GABPB1: variants seen among roughly 807,000 people sequenced by gnomAD.
GABPB1 encodes the protein GA binding protein transcription factor subunit beta 1.
In GABPB1, 15 loss-of-function variants were observed where a neutral mutation model predicts 45.9. The observed-to-expected ratio is 0.33, with a 90% CI of 0.22 to 0.50. The LOEUF is 0.50. Ranked by LOEUF, GABPB1 falls within the 20% of genes least tolerant of loss-of-function variation. GABPB1 has a pLI of 0.98. For missense variants in GABPB1, 252 were observed against 457.5 expected (o/e 0.55, Z 4.10); for synonymous variants, 143 against 154.4 (o/e 0.93, Z 0.55).
chr15:50,340,616 A>T (rs914082923), intron 1 of GABPB1, among the ~76,000 whole-genome samples: 18 of 151,196 alleles, frequency 1.2e-4, no homozygotes, highest in Admixed American at 6.6e-5. Context: ...CTTGCTTAAC[A>T]CATGAGATCT....
rs374196509 is a variant in GABPB1 at position 50,289,672 on chromosome 15, GAA to G, written c.698-6_698-5del. On this transcript the variant is annotated splice_polypyrimidine_tract_variant and splice_region_variant and intron_variant, in intron 6 of 8. Coordinates refer to ENST00000380877, the MANE Select transcript of GABPB1 (RefSeq NM_016654.5). ...ACTACTTCTTCTGTGGCCACTACTG[GAA>G]AAAAAAAAAAGAAAACTCAGCAAAC... 1.1e-3 allele frequency: 1,313 copies of G among 1,225,184 alleles called. No individual in the cohort carries two copies. The highest frequency in any genetic ancestry group is 2.8e-3 in the Admixed American group (117 of 41,860). The allele number at this position is 1,225,184 out of a possible 1,614,324, so 75.9% of individuals were successfully genotyped here.
At chr15:50,299,010 T>C (rs937753182) in intron 6 of GABPB1, among the ~76,000 whole-genome samples, 1 of 151,278 alleles carries the variant, frequency 6.6e-6, no homozygotes, top group African/African-American at 2.4e-5. Context: ...AAGGTAGCAT[T>C]CCCCCAACTC....
chr15:50,278,517 C>G lies in GABPB1; in HGVS notation c.*115G>C, dbSNP rs1002938887. 5 of 679,066 alleles carry G rather than the reference C, an allele frequency of 7.4e-6. No individual in the cohort carries two copies. The Admixed American group carries it at 1.6e-4, about 21-fold the overall frequency. 42.1% of individuals were successfully genotyped at this position (679,066 alleles called of 1,614,324 possible). A position where few individuals can be genotyped will look rare whatever the true frequency, so the allele number is the denominator to read the frequency against. On this transcript the variant is annotated 3_prime_UTR_variant, in exon 9 of 9. Coordinates refer to ENST00000380877, the MANE Select transcript of GABPB1 (RefSeq NM_016654.5). ...AGCTCATGGCTTAAGTCCAATTATC[C>G]ATCTGTAGTCTCTTCTATCATTCTG...
At position 50,303,143 on chromosome 15, in the gene GABPB1, A is replaced by G; in HGVS notation, c.277-20T>C. On this transcript the variant is annotated intron_variant, in intron 3 of 8. Coordinates refer to ENST00000380877, the MANE Select transcript of GABPB1 (RefSeq NM_016654.5). ...ACCATGCTACAAAAATATTTCAAAG[A>G]GTTTACTAAAATATGAAATATCACA... is the stretch of plus-strand genomic sequence containing the variant. 6.4e-7 allele frequency: 1 copy of G among 1,556,430 alleles called. No homozygotes were observed.
chr15:50,338,007 TA>T (rs1355390352), intron 1 of GABPB1, among the ~76,000 whole-genome samples: 1 of 152,198 alleles, frequency 6.6e-6, no homozygotes, highest in Non-Finnish European at 1.5e-5. Context: ...AAAAAAAATT[TA>T]AACTCTAAAT....
At chr15:50,284,963 T>A (rs11633903) in intron 8 of GABPB1, among the ~76,000 whole-genome samples, 99,044 of 152,012 alleles carry the variant, frequency 0.65, 33,629 homozygotes, top group African/African-American at 0.83. Context: ...TATTCCGGTT[T>A]AACCAATAAC....
At chr15:50,310,634 A>G (rs573314564) in intron 1 of GABPB1, among the ~76,000 whole-genome samples, 71 of 152,338 alleles carry the variant, frequency 4.7e-4, no homozygotes, top group Admixed American at 4.3e-3. Context: ...AACAATTCAC[A>G]TTCTATGAAA....
At chr15:50,312,872 T>A (rs1368002003) in intron 1 of GABPB1, among the ~76,000 whole-genome samples, 1 of 152,166 alleles carries the variant, frequency 6.6e-6, no homozygotes, top group Non-Finnish European at 1.5e-5. Context: ...GTCTTTTTTT[T>A]ATTGATTTGT....
intron 1 of GABPB1, among the ~76,000 whole-genome samples, chr15:50,318,008 G>A (rs537420822): frequency 6.6e-5 from 10 of 151,896 alleles, no homozygotes; most frequent in Admixed American, 1.3e-4. Flanking sequence ...TCATGTGTAC[G>A]TGTATGAAAA....
chr15:50,277,903 C>CT lies in GABPB1; in HGVS notation c.*728dup, dbSNP rs2045868584. 1 of 152,082 alleles carries CT rather than the reference C, an allele frequency of 6.6e-6. No homozygotes were observed. Among genetic ancestry groups the CT allele is most frequent in the South Asian group, 2.1e-4 (1 of 4,816 alleles). The allele number at this position is 152,082 out of a possible 1,614,324, so 9.4% of individuals were successfully genotyped here. On this transcript the variant is annotated 3_prime_UTR_variant, in exon 9 of 9. Coordinates refer to ENST00000380877, the MANE Select transcript of GABPB1 (RefSeq NM_016654.5). ...TCCAATAAAACCAGCTGCCAGCTTACTTCGTTTCAATGACCTACAGAGTAA... is the reference window on the plus strand; with the variant it reads ...TCCAATAAAACCAGCTGCCAGCTTACTTTCGTTTCAATGACCTACAGAGTAA...
intron 8 of GABPB1, among the ~76,000 whole-genome samples, chr15:50,280,553 C>T (rs2045940762): frequency 6.6e-6 from 1 of 152,092 alleles, no homozygotes; most frequent in East Asian, 1.9e-4. Flanking sequence ...GAATTTGAGA[C>T]AAGCCTGGGC....
chr15:50,325,088 G>C (rs2047702226), intron 1 of GABPB1, among the ~76,000 whole-genome samples: 1 of 152,028 alleles, frequency 6.6e-6, no homozygotes, highest in Admixed American at 6.6e-5. Context: ...TAAATGTCAG[G>C]TCCTTTCTAA....
Position 50,278,799 on chromosome 15 carries a change from A to AG in GABPB1, c.1000-16dup, listed in dbSNP as rs757059254. On this transcript the variant is annotated splice_polypyrimidine_tract_variant and intron_variant, in intron 8 of 8. Transcript: ENST00000380877. ...GCTTCTCTCTCCTAATTAAAAGAAG[A>AG]GGGTTTTTTTTTTAATTTTTGCAAA... 3.3e-6 allele frequency: 5 copies of AG among 1,493,450 alleles called. No homozygotes were observed. Among genetic ancestry groups the AG allele is most frequent in the South Asian group, 1.2e-5 (1 of 81,598 alleles). The allele number at this position is 1,493,450 out of a possible 1,614,324, so 92.5% of individuals were successfully genotyped here.
rs146488178 is a variant in GABPB1, at chr15:50,339,926, T to C, written c.-1+15059A>G. Among the ~76,000 whole-genome samples the C allele has an allele frequency of 2.3e-3, 346 of 152,312 alleles. 1 individual carries two copies. Among genetic ancestry groups the C allele is most frequent in the African/African-American group, 8.0e-3 (334 of 41,578 alleles). On this transcript the variant is annotated intron_variant, in intron 1 of 8. Coordinates refer to ENST00000380877, the MANE Select transcript of GABPB1 (RefSeq NM_016654.5). ...TCCCAATTTAGAAATCTGGGAGTTA[T>C]CTTCCACTCTTCCCTCTGCCTCATC...
At chr15:50,336,868 G>A (rs2048148104) in intron 1 of GABPB1, among the ~76,000 whole-genome samples, 1 of 148,820 alleles carries the variant, frequency 6.7e-6, no homozygotes, top group African/African-American at 2.5e-5. Flanking sequence ...ATGAGGCAGG[G>A]GGATCTCTTA....
intron 6 of GABPB1, among the ~76,000 whole-genome samples, chr15:50,291,984 G>T (rs374750849): frequency 6.6e-6 from 1 of 151,402 alleles, no homozygotes; most frequent in Admixed American, 6.6e-5. Flanking sequence ...GAGGAAATGG[G>T]AAAGATATTC....
intron 1 of GABPB1, among the ~76,000 whole-genome samples, chr15:50,334,556 G>A (rs2048054495): frequency 8.2e-6 from 1 of 121,510 alleles, no homozygotes; most frequent in African/African-American, 3.3e-5. Flanking sequence ...CACCCAGGCT[G>A]CAGCATGGTG....
chr15:50,310,776 G>C (rs1278706166), intron 1 of GABPB1, among the ~76,000 whole-genome samples: 1 of 152,046 alleles, frequency 6.6e-6, no homozygotes, highest in Non-Finnish European at 1.5e-5. Flanking sequence ...CCAGGAGTTC[G>C]AGACCAGCCT....
intron 6 of GABPB1, among the ~76,000 whole-genome samples, chr15:50,295,489 T>C (rs751712030): frequency 1.6e-4 from 24 of 152,174 alleles, no homozygotes; most frequent in Admixed American, 1.4e-3. Context: ...TCTAGGAAGA[T>C]TCCATGACAC....
Sources: allele counts gnomAD v4.1 joint callset (sites outside exome capture counted in the v4.1 genomes callset), GRCh38; gene constraint gnomAD v4.1.1; transcripts MANE v1.5; gene names NCBI Gene and HGNC (gene_info 2026-07-23, HGNC 2026-07-21).